The following KTN1 variants were observed in gnomAD, a reference collection of about 807,000 sequenced individuals.
KTN1 encodes kinectin.
In KTN1, 130 loss-of-function variants were observed where a neutral mutation model predicts 222.5. The ratio of observed to expected loss-of-function variants is 0.58; its 90% CI spans 0.51 to 0.68. The LOEUF (loss-of-function observed/expected upper bound fraction) is 0.68, where lower values mean the gene tolerates loss of function less well. Ranked by LOEUF, KTN1 falls within the 30% of genes least tolerant of loss-of-function variation. The probability of loss-of-function intolerance (pLI) is 0.00; values close to 1 mark genes in which losing one functional copy is unlikely to be tolerated. For synonymous variants in KTN1, 512 were observed against 496.3 expected (o/e 1.03, Z -0.42); for missense variants, 1,508 against 1,500.4 (o/e 1.01, Z -0.08).
chr14:55,597,581 T>C (rs1181513651), intron 1 of KTN1, among the ~76,000 whole-genome samples: 1 of 152,176 alleles, frequency 6.6e-6, no homozygotes, highest in Non-Finnish European at 1.5e-5. Flanking sequence ...AGGGCTGGCA[T>C]GGTGGTTCAT....
intron 34 of KTN1, chr14:55,668,350 C>T (rs1398910648): frequency 6.6e-6 from 1 of 151,964 alleles, no homozygotes; most frequent in Non-Finnish European, 1.5e-5. Context: ...CTCAGCAACA[C>T]CCCACCTCCT....
intron 18 of KTN1, chr14:55,644,520 A>T (rs554717367): frequency 1.6e-6 from 1 of 624,696 alleles, no homozygotes. Context: ...AGATAATGCA[A>T]ATAAATCATT....
At chr14:55,599,664 A>T (rs2035664838) in intron 1 of KTN1, among the ~76,000 whole-genome samples, 1 of 151,994 alleles carries the variant, frequency 6.6e-6, no homozygotes, top group Non-Finnish European at 1.5e-5. Flanking sequence ...TTTAGTAGAG[A>T]CGGGGTTTCG....
intron 1 of KTN1, among the ~76,000 whole-genome samples, chr14:55,599,591 C>T (rs1437875959): frequency 2.6e-5 from 4 of 152,140 alleles, no homozygotes. Context: ...TCTCCTGCCT[C>T]AGCCTCCGGA....
intron 7 of KTN1, among the ~76,000 whole-genome samples, chr14:55,630,694 T>A (rs1054823642): frequency 6.6e-6 from 1 of 152,204 alleles, no homozygotes; most frequent in East Asian, 1.9e-4. Flanking sequence ...AAGGGCCTTG[T>A]ATACCTGAAG....
At chr14:55,639,065 T>C in intron 12 of KTN1, 120 bp from the exon 13 acceptor site, 1 of 639,098 alleles carries the variant, frequency 1.6e-6, no homozygotes, top group African/African-American at 1.8e-5. Flanking sequence ...ATGGGCCAGA[T>C]ACTTTCATAA....
In KTN1 at chr14:55,658,631, G is replaced by A. The variant is rs2043766853; in HGVS notation, c.2961+17G>A. On this transcript the variant is annotated intron_variant, in intron 30 of 43. Coordinates refer to ENST00000395314, the MANE Select transcript of KTN1 (RefSeq NM_001079521.2). ...TACCAACAGGTAGGTATTATTAGAT[G>A]TCTTGCCTTTCACTTACGTGGCAAA... 6.4e-7 allele frequency: 1 copy of A among 1,551,358 alleles called. No homozygotes were observed. The highest frequency in any genetic ancestry group is 8.8e-7 in the Non-Finnish European group (1 of 1,135,290).
chr14:55,589,160 C>T (rs1218049142), intron 1 of KTN1, among the ~76,000 whole-genome samples: 2 of 152,098 alleles, frequency 1.3e-5, no homozygotes, highest in East Asian at 3.8e-4. Context: ...GTGATGAAAG[C>T]CGAATTTTTG....
intron 2 of KTN1, among the ~76,000 whole-genome samples, chr14:55,613,363 G>A (rs1456461614): frequency 1.3e-5 from 2 of 152,046 alleles, no homozygotes; most frequent in African/African-American, 2.4e-5. Flanking sequence ...GGGTTGATAG[G>A]TACAATGGAA....
chr14:55,636,926 C>A (rs894356573), intron 10 of KTN1, among the ~76,000 whole-genome samples: 2 of 151,762 alleles, frequency 1.3e-5, no homozygotes, highest in African/African-American at 2.4e-5. Flanking sequence ...TTAAAACTGC[C>A]CATTTAATAC....
At chr14:55,609,038 T>TA (rs544387840) in intron 1 of KTN1, among the ~76,000 whole-genome samples, 2,032 of 142,098 alleles carry the variant, frequency 0.014, 20 homozygotes, top group Admixed American at 0.034. Context: ...TTTATTCTTC[T>TA]AAAAAAAAAA....
At chr14:55,653,641 C>T in intron 28 of KTN1, 45 bp downstream of exon 28, 1 of 1,422,120 alleles carries the variant, frequency 7.0e-7, no homozygotes, top group South Asian at 1.2e-5. Flanking sequence ...ACAAACGTCT[C>T]ATTATTTTCC....
chr14:55,664,380 G>A (rs2044474397), intron 33 of KTN1, among the ~76,000 whole-genome samples: 1 of 152,106 alleles, frequency 6.6e-6, no homozygotes, highest in Non-Finnish European at 1.5e-5. Context: ...AGAAATCTAG[G>A]TGAATTAACA....
At chr14:55,665,727 G>T (rs962360272) in intron 33 of KTN1, among the ~76,000 whole-genome samples, 1 of 152,002 alleles carries the variant, frequency 6.6e-6, no homozygotes, top group South Asian at 2.1e-4. Flanking sequence ...CTTAAAGATG[G>T]TATGCAAATT....
intron 1 of KTN1, among the ~76,000 whole-genome samples, chr14:55,591,107 A>G (rs762829762): frequency 1.3e-5 from 2 of 152,218 alleles, no homozygotes; most frequent in Admixed American, 6.5e-5. Flanking sequence ...CAGTGCTGCT[A>G]TGAACACCTT....
intron 31 of KTN1, among the ~76,000 whole-genome samples, chr14:55,660,836 G>T (rs141064504): frequency 6.5e-4 from 99 of 152,274 alleles, no homozygotes; most frequent in African/African-American, 2.2e-3. Context: ...CTCTTAGTTT[G>T]AGGACCTACA....
intron 35 of KTN1, chr14:55,671,339 TAA>T: frequency 2.0e-6 from 1 of 504,682 alleles, no homozygotes; most frequent in Non-Finnish European, 3.5e-6. Flanking sequence ...ACCACCTGAC[TAA>T]AGACTTTAGT....
rs181704782 is a variant in KTN1 at position 55,625,839 on chromosome 14, C to T, written c.964-2073C>T. Among the ~76,000 whole-genome samples the T allele has an allele frequency of 6.1e-3, 931 of 152,176 alleles. 2 individuals carry two copies. The highest frequency in any genetic ancestry group is 0.01 in the Non-Finnish European group (708 of 68,002). On this transcript the variant is annotated intron_variant, in intron 5 of 43. Coordinates refer to ENST00000395314, the MANE Select transcript of KTN1 (RefSeq NM_001079521.2). ...ATTCATATTGCTGGTAGAGGTCTGA[C>T]GCCAGCCTGCATTTTGCACCCTTTT...
intron 41 of KTN1, among the ~76,000 whole-genome samples, chr14:55,678,000 A>G (rs897021539): frequency 2.0e-5 from 3 of 152,208 alleles, no homozygotes; most frequent in African/African-American, 4.8e-5. Context: ...GCCCAGCAAC[A>G]TGGCCCTTTA....
Sources: allele counts gnomAD v4.1 joint callset (sites outside exome capture counted in the v4.1 genomes callset), GRCh38; gene constraint gnomAD v4.1.1; transcripts MANE v1.5; gene names NCBI Gene and HGNC (gene_info 2026-07-23, HGNC 2026-07-21).